SNTG1: variants seen among roughly 807,000 people sequenced by gnomAD.
SNTG1 encodes the protein syntrophin gamma 1, also known as gamma-1-syntrophin.
In SNTG1, 39 loss-of-function variants were observed where a neutral mutation model predicts 74.7. The observed-to-expected ratio is 0.52, with a 90% confidence interval of 0.40 to 0.68. The LOEUF is 0.68. SNTG1 is among the 30% of genes least tolerant of loss of function. The pLI is 0.00. For missense variants in SNTG1, 685 were observed against 609.5 expected (o/e 1.12, Z -1.30); for synonymous variants, 254 against 217.1 (o/e 1.17, Z -1.49).
intron 2 of SNTG1, among the ~76,000 whole-genome samples, chr8:50,350,262 C>T (rs545993550): frequency 2.6e-5 from 4 of 152,210 alleles, no homozygotes; most frequent in African/African-American, 4.8e-5. Flanking sequence ...CCTGCTCCAC[C>T]GGAGCCCAGT....
intron 2 of SNTG1, among the ~76,000 whole-genome samples, chr8:50,301,206 C>CTTGATG (rs1479877917): frequency 6.6e-6 from 1 of 152,088 alleles, no homozygotes; most frequent in African/African-American, 2.4e-5. Flanking sequence ...TCACATTACA[C>CTTGATG]TCATGTCATT....
At chr8:50,215,401 CTATATATATAT>C (rs2084734434) in intron 2 of SNTG1, among the ~76,000 whole-genome samples, 1 of 145,028 alleles carries the variant, frequency 6.9e-6, no homozygotes, top group East Asian at 2.0e-4. Flanking sequence ...TGTATATATA[CTATATATATAT>C]ACTATATATA....
At chr8:50,211,068 A>G (rs2131909315) in intron 2 of SNTG1, among the ~76,000 whole-genome samples, 1 of 152,256 alleles carries the variant, frequency 6.6e-6, no homozygotes, top group Middle Eastern at 3.4e-3. Flanking sequence ...TTAAGTTGGA[A>G]TATGGGTGTT....
intron 12 of SNTG1, among the ~76,000 whole-genome samples, chr8:50,570,521 C>T (rs868786896): frequency 4.0e-5 from 6 of 148,432 alleles, no homozygotes; most frequent in Non-Finnish European, 7.4e-5. Flanking sequence ...GGCCTCCCAG[C>T]GTGCTGGGAT....
At chr8:50,027,029 C>G (rs1371499051) in intron 1 of SNTG1, among the ~76,000 whole-genome samples, 1 of 152,150 alleles carries the variant, frequency 6.6e-6, no homozygotes, top group African/African-American at 2.4e-5. Context: ...TTCCTTCTAG[C>G]TGGCCACCCA....
At chr8:50,632,288 T>TATTTATTC (rs201629180) in intron 13 of SNTG1, among the ~76,000 whole-genome samples, 27,637 of 140,358 alleles carry the variant, frequency 0.2, 5,545 homozygotes, top group African/African-American at 0.52. Context: ...TTTTTAATTT[T>TATTTATTC]ATTTATTTAT....
intron 9 of SNTG1, among the ~76,000 whole-genome samples, chr8:50,517,057 T>TA (rs2130076829): frequency 6.6e-6 from 1 of 152,174 alleles, no homozygotes; most frequent in East Asian, 1.9e-4. Context: ...AAGGTCGTGT[T>TA]ACCAACAAAG....
chr8:50,110,078 C>T (rs1162956096), intron 1 of SNTG1, among the ~76,000 whole-genome samples: 2 of 152,128 alleles, frequency 1.3e-5, no homozygotes, highest in African/African-American at 4.8e-5. Flanking sequence ...TTTTTCACTC[C>T]AGGAAGGTTG....
chr8:50,448,116 G>A (rs2093422800), intron 5 of SNTG1, among the ~76,000 whole-genome samples: 1 of 152,158 alleles, frequency 6.6e-6, no homozygotes, highest in Admixed American at 6.5e-5. Flanking sequence ...AGAACAAGTG[G>A]GAGCCATTGT....
intron 1 of SNTG1, among the ~76,000 whole-genome samples, chr8:50,023,545 A>G (rs1461614489): frequency 6.6e-6 from 1 of 152,134 alleles, no homozygotes; most frequent in Non-Finnish European, 1.5e-5. Context: ...TGTCCTTAAA[A>G]AGTTTATTCA....
chr8:50,097,670 C>T (rs539307021), intron 1 of SNTG1, among the ~76,000 whole-genome samples: 1 of 151,270 alleles, frequency 6.6e-6, no homozygotes, highest in African/African-American at 2.4e-5. Flanking sequence ...AAACAAAAAA[C>T]GAAACTAAGG....
At chr8:50,636,850 A>G (rs2095042353) in intron 13 of SNTG1, among the ~76,000 whole-genome samples, 3 of 152,158 alleles carry the variant, frequency 2.0e-5, no homozygotes, top group Non-Finnish European at 4.4e-5. Flanking sequence ...ATCTTGCTCC[A>G]TTCCAAGTCC....
chr8:50,491,770 G>T (rs1023098862), intron 8 of SNTG1, among the ~76,000 whole-genome samples: 1 of 151,878 alleles, frequency 6.6e-6, no homozygotes, highest in Non-Finnish European at 1.5e-5. Context: ...TGTGGAAAGT[G>T]CAGGTTTGTT....
chr8:50,233,283 A>G (rs1182544819), intron 2 of SNTG1, among the ~76,000 whole-genome samples: 1 of 151,640 alleles, frequency 6.6e-6, no homozygotes, highest in African/African-American at 2.4e-5. Flanking sequence ...ATTTTTGGCA[A>G]ATATTCAAAA....
chr8:50,226,283 C>G (rs1293128034), intron 2 of SNTG1, among the ~76,000 whole-genome samples: 1 of 152,104 alleles, frequency 6.6e-6, no homozygotes, highest in Non-Finnish European at 1.5e-5. Context: ...TCATGACTCA[C>G]TTTCCAATCT....
chr8:50,783,368 C>T (rs575290493), intron 18 of SNTG1, among the ~76,000 whole-genome samples: 5 of 152,368 alleles, frequency 3.3e-5, no homozygotes, highest in African/African-American at 1.2e-4. Flanking sequence ...AGCTTCCTGG[C>T]TGCTTTGTTT....
At chr8:50,715,404 G>A (rs1387262654) in intron 17 of SNTG1, among the ~76,000 whole-genome samples, 1 of 152,124 alleles carries the variant, frequency 6.6e-6, no homozygotes, top group Non-Finnish European at 1.5e-5. Context: ...TTGAAATTGA[G>A]AATGGCTATG....
rs1015281402 is a variant in SNTG1, at chr8:50,617,329, A to C, written c.849+26412A>C. 3.3e-5 allele frequency among the ~76,000 whole-genome samples: 5 copies of C among 151,406 alleles called. No individual in the cohort carries two copies. In the South Asian group the frequency reaches 1.0e-3, roughly 32 times the overall value. On this transcript the variant is annotated intron_variant, in intron 13 of 18. Coordinates refer to ENST00000642720, the MANE Select transcript of SNTG1 (RefSeq NM_018967.5). ...GTTCAATGAGCAAATGAATCTTGGC[A>C]TGCATAAAAGGTTAATATGACCACA...
chr8:50,702,495 A>T (rs59347506), intron 15 of SNTG1, among the ~76,000 whole-genome samples: 15,533 of 152,142 alleles, frequency 0.1, 2,221 homozygotes, highest in African/African-American at 0.32. Flanking sequence ...AACAATGAAA[A>T]TAGTTATTAT....
Sources: allele counts gnomAD v4.1 joint callset (sites outside exome capture counted in the v4.1 genomes callset), GRCh38; gene constraint gnomAD v4.1.1; transcripts MANE v1.5; gene names NCBI Gene and HGNC (gene_info 2026-07-23, HGNC 2026-07-21).